The following SLC9A8 variants were observed in gnomAD, a reference collection of about 807,000 sequenced individuals.
SLC9A8 encodes sodium/hydrogen exchanger 8.
Under a neutral mutation model 66.6 loss-of-function variants are expected in SLC9A8, and 48 were observed. That is an observed-to-expected ratio of 0.72 (90% CI 0.57 to 0.92). SLC9A8 has a LOEUF of 0.92. Ranked by LOEUF, SLC9A8 falls within the 40% of genes least tolerant of loss-of-function variation. The probability of loss-of-function intolerance (pLI) is 0.00; values close to 1 mark genes in which losing one functional copy is unlikely to be tolerated. For synonymous variants in SLC9A8, 274 were observed against 282.6 expected (o/e 0.97, Z 0.31); for missense variants, 599 against 747.3 (o/e 0.80, Z 2.31).
At chr20:49,833,652 G>T (rs1276634623) in intron 3 of SLC9A8, among the ~76,000 whole-genome samples, 1 of 152,124 alleles carries the variant, frequency 6.6e-6, no homozygotes, top group Non-Finnish European at 1.5e-5. Context: ...GAGATGGTAG[G>T]ATGCACCCGA....
Position 49,826,763 on chromosome 20 carries a change from A to G in SLC9A8, c.289+3622A>G, listed in dbSNP as rs149812612. Among the ~76,000 whole-genome samples the G allele has an allele frequency of 5.9e-4, 90 of 152,360 alleles. 1 individual carries two copies. The East Asian group carries it at 0.012, about 20-fold the overall frequency. On this transcript the variant is annotated intron_variant, in intron 3 of 15. Transcript: ENST00000361573. ...CTAATTTCTTTTGCACAGTTAAACA[A>G]CTACTATATATAGAAAAAAGAAAAA...
intron 3 of SLC9A8, among the ~76,000 whole-genome samples, chr20:49,838,197 A>G (rs953015276): frequency 6.6e-6 from 1 of 152,194 alleles, no homozygotes; most frequent in South Asian, 2.1e-4. Context: ...GAGAACGAAG[A>G]TGGGGGTGGA....
At chr20:49,850,938 CT>C in intron 7 of SLC9A8, 94 bp downstream of exon 7, 2 of 808,344 alleles carry the variant, frequency 2.5e-6, no homozygotes, top group South Asian at 2.2e-5. Context: ...CTGTTCTATT[CT>C]CTCTCTGTGT....
chr20:49,847,437 T>C (rs1205203224), intron 5 of SLC9A8, among the ~76,000 whole-genome samples: 1 of 150,710 alleles, frequency 6.6e-6, no homozygotes, highest in African/African-American at 2.4e-5. Flanking sequence ...TTGAGGAAAG[T>C]AATAGTTTTT....
chr20:49,844,205 G>A (rs994958604), intron 4 of SLC9A8, among the ~76,000 whole-genome samples: 16 of 152,156 alleles, frequency 1.1e-4, no homozygotes, highest in Admixed American at 1.0e-3. Context: ...ATCCAGTGTG[G>A]ACTGTTTTAT....
At chr20:49,821,489 C>T (rs2086736651) in intron 2 of SLC9A8, among the ~76,000 whole-genome samples, 1 of 152,084 alleles carries the variant, frequency 6.6e-6, no homozygotes, top group African/African-American at 2.4e-5. Flanking sequence ...GAAAAGAGGA[C>T]AAAATGTCTA....
chr20:49,861,993 G>A (rs943116950), intron 8 of SLC9A8, among the ~76,000 whole-genome samples: 3 of 151,914 alleles, frequency 2.0e-5, no homozygotes, highest in African/African-American at 7.3e-5. Flanking sequence ...GACTCCCCAG[G>A]CCTTCAAGCT....
chr20:49,841,659 C>T (rs562099773), intron 4 of SLC9A8, among the ~76,000 whole-genome samples: 4 of 152,226 alleles, frequency 2.6e-5, no homozygotes, highest in South Asian at 2.1e-4. Context: ...GGCACGATCT[C>T]GGCTCACTGC....
At chr20:49,825,978 G>A (rs1300833574) in intron 3 of SLC9A8, among the ~76,000 whole-genome samples, 1 of 152,190 alleles carries the variant, frequency 6.6e-6, no homozygotes, top group African/African-American at 2.4e-5. Flanking sequence ...CTGGGAGTGG[G>A]GTGGAATGGT....
intron 12 of SLC9A8, 146 bp from the exon 13 acceptor site, chr20:49,880,778 A>G (rs1600808344): frequency 1.6e-6 from 1 of 626,344 alleles, no homozygotes; most frequent in Non-Finnish European, 2.9e-6. Context: ...TCTGACGAGC[A>G]TGGTGTTGCT....
At chr20:49,870,059 C>T (rs1382113980) in intron 10 of SLC9A8, among the ~76,000 whole-genome samples, 1 of 152,134 alleles carries the variant, frequency 6.6e-6, no homozygotes, top group Non-Finnish European at 1.5e-5. Flanking sequence ...TGAACTTGAC[C>T]TGTCTGTACT....
intron 3 of SLC9A8, among the ~76,000 whole-genome samples, chr20:49,836,101 C>G (rs1051699960): frequency 9.9e-5 from 15 of 152,172 alleles, no homozygotes; most frequent in African/African-American, 3.6e-4. Flanking sequence ...CTCCCTGTCC[C>G]TGGGCAACCA....
chr20:49,837,042 C>T (rs938379653), intron 3 of SLC9A8, among the ~76,000 whole-genome samples: 2 of 152,138 alleles, frequency 1.3e-5, no homozygotes, highest in East Asian at 3.8e-4. Context: ...TCCTTGTGGA[C>T]AAAGGACAGA....
intron 2 of SLC9A8, among the ~76,000 whole-genome samples, chr20:49,821,685 G>A (rs2146461034): frequency 6.6e-6 from 1 of 152,118 alleles, no homozygotes; most frequent in South Asian, 2.1e-4. Flanking sequence ...TACCATCTAG[G>A]TGCCCAGTAA....
At chr20:49,830,300 A>G in intron 3 of SLC9A8, 9 of 1,148,306 alleles carry the variant, frequency 7.8e-6, no homozygotes, top group South Asian at 2.4e-5. Context: ...TGGGTCACAC[A>G]GTGACTGTCT....
intron 3 of SLC9A8, among the ~76,000 whole-genome samples, chr20:49,838,013 A>T (rs191448418): frequency 6.6e-6 from 1 of 150,706 alleles, no homozygotes; most frequent in East Asian, 1.9e-4. Flanking sequence ...TACTACCATA[A>T]ATTTTATATA....
In SLC9A8 at chr20:49,880,819, A is replaced by G. The variant is rs559961643; in HGVS notation, c.1159-105A>G. 26 of 764,414 alleles carry G rather than the reference A, an allele frequency of 3.4e-5. No individual in the cohort carries two copies. The East Asian group carries it at 6.5e-4, about 19-fold the overall frequency. 47.4% of individuals were successfully genotyped at this position (764,414 alleles called of 1,614,324 possible). The stretch of plus-strand genomic sequence containing the variant: ...CTTTTGTGGCTGAGGGGAATACTGC[A>G]TTTGTACTGGATGTGTTACACAGTC... On this transcript the variant is annotated intron_variant, in intron 12 of 15. Coordinates refer to ENST00000361573, the MANE Select transcript of SLC9A8 (RefSeq NM_015266.3).
chr20:49,868,671 A>G (rs1280973447), intron 10 of SLC9A8, among the ~76,000 whole-genome samples: 2 of 152,040 alleles, frequency 1.3e-5, no homozygotes, highest in Non-Finnish European at 2.9e-5. Flanking sequence ...TCCCAGCTCC[A>G]CCTCTTATTG....
chr20:49,831,858 C>T (rs2087212980), intron 3 of SLC9A8, among the ~76,000 whole-genome samples: 1 of 152,206 alleles, frequency 6.6e-6, no homozygotes. Context: ...ATCTGGCCTT[C>T]GCTGCCTGGA....
Sources: gnomAD v4.1 joint callset for allele counts (sites outside exome capture counted in the v4.1 genomes callset) on GRCh38, gnomAD v4.1.1 for gene constraint, MANE v1.5 for transcripts, NCBI Gene and HGNC (gene_info 2026-07-23, HGNC 2026-07-21) for gene names.